Variants in PHACTR1 observed in about 807,000 individuals in gnomAD.
PHACTR1 encodes the protein phosphatase and actin regulator 1, also known as RPEL repeat containing 1.
Under a neutral mutation model 69.2 loss-of-function variants are expected in PHACTR1, and 16 were observed. The ratio of observed to expected loss-of-function variants is 0.23; its 90% CI spans 0.16 to 0.35. The LOEUF (loss-of-function observed/expected upper bound fraction) is 0.35. Ranked by LOEUF, PHACTR1 falls within the 10% of genes least tolerant of loss-of-function variation. PHACTR1 has a pLI of 1.00. For missense variants in PHACTR1, 510 were observed against 734.7 expected (o/e 0.69, Z 3.54); for synonymous variants, 312 against 284.5 (o/e 1.10, Z -0.97).
At chr6:12,891,576 C>T (rs1784174202) in intron 4 of PHACTR1, among the ~76,000 whole-genome samples, 1 of 152,174 alleles carries the variant, frequency 6.6e-6, no homozygotes, top group African/African-American at 2.4e-5. Flanking sequence ...TTTTCATGAA[C>T]TCACTTATGC....
chr6:13,284,582 A>ATATATATATATATATAGATACACG (rs1562129267), intron 13 of PHACTR1, among the ~76,000 whole-genome samples: 1 of 140,174 alleles, frequency 7.1e-6, no homozygotes, highest in African/African-American at 2.8e-5. Flanking sequence ...ATACACGTAT[A>ATATATATATATATATAGATACACG]TATATATATA....
chr6:13,031,709 T>G (rs1802481979), intron 4 of PHACTR1, among the ~76,000 whole-genome samples: 1 of 152,256 alleles, frequency 6.6e-6, no homozygotes, highest in African/African-American at 2.4e-5. Context: ...ACAAGTTCAT[T>G]TATTTTTAGG....
intron 8 of PHACTR1, among the ~76,000 whole-genome samples, chr6:13,212,391 T>C (rs1165482802): frequency 6.6e-6 from 1 of 152,034 alleles, no homozygotes; most frequent in Non-Finnish European, 1.5e-5. Context: ...CAAAGAAAAA[T>C]CTACTTACTC....
intron 4 of PHACTR1, among the ~76,000 whole-genome samples, chr6:13,034,055 G>A (rs1014363395): frequency 6.6e-6 from 1 of 150,840 alleles, no homozygotes; most frequent in East Asian, 2.0e-4. Context: ...TCTCGCTGTC[G>A]CCCATGCTTG....
At chr6:12,744,954 G>A (rs570411356) in intron 3 of PHACTR1, among the ~76,000 whole-genome samples, 2 of 152,032 alleles carry the variant, frequency 1.3e-5, no homozygotes, top group East Asian at 1.9e-4. Flanking sequence ...TGATGAGAGT[G>A]GATAGAGTTG....
intron 3 of PHACTR1, among the ~76,000 whole-genome samples, chr6:12,728,574 T>C (rs889614496): frequency 1.3e-5 from 2 of 152,174 alleles, no homozygotes; most frequent in African/African-American, 4.8e-5. Context: ...TTAGGCAAGT[T>C]ATTTAATCTC....
chr6:12,752,824 A>G (rs13194503), intron 4 of PHACTR1, among the ~76,000 whole-genome samples: 2,298 of 152,310 alleles, frequency 0.015, 16 homozygotes, highest in South Asian at 0.025. Flanking sequence ...TAGCACCAAA[A>G]TGTGGGTCTT....
chr6:13,244,522 G>A (rs1033877124), intron 10 of PHACTR1, among the ~76,000 whole-genome samples: 7 of 152,170 alleles, frequency 4.6e-5, no homozygotes, highest in African/African-American at 1.2e-4. Flanking sequence ...AGACAGGTAC[G>A]CCCCGGGGGG....
intron 5 of PHACTR1, among the ~76,000 whole-genome samples, chr6:13,057,961 G>A (rs987943690): frequency 3.3e-5 from 5 of 152,292 alleles, no homozygotes; most frequent in East Asian, 3.9e-4. Context: ...TCACAGGATG[G>A]CAGGAGGAAA....
At chr6:12,899,362 C>T (rs1350369254) in intron 4 of PHACTR1, among the ~76,000 whole-genome samples, 3 of 152,044 alleles carry the variant, frequency 2.0e-5, no homozygotes, top group Admixed American at 6.6e-5. Flanking sequence ...AATAACAGCA[C>T]CCCCAGAGAA....
intron 4 of PHACTR1, among the ~76,000 whole-genome samples, chr6:12,867,871 A>G (rs975575540): frequency 1.2e-4 from 19 of 152,262 alleles, no homozygotes; most frequent in African/African-American, 4.6e-4. Flanking sequence ...GGGTAGACAT[A>G]TAAGACAGTC....
chr6:13,069,947 A>G (rs750945470), intron 5 of PHACTR1, among the ~76,000 whole-genome samples: 2 of 152,192 alleles, frequency 1.3e-5, no homozygotes, highest in African/African-American at 2.4e-5. Flanking sequence ...CTAAGGCTAC[A>G]GTGCTGGTGT....
At chr6:12,720,605 G>A (rs569395884) in intron 3 of PHACTR1, among the ~76,000 whole-genome samples, 3 of 152,308 alleles carry the variant, frequency 2.0e-5, no homozygotes, top group Admixed American at 2.0e-4. Flanking sequence ...GTTGCTCCCT[G>A]GAGTCATGTT....
At chr6:12,794,845 G>A (rs995137043) in intron 4 of PHACTR1, among the ~76,000 whole-genome samples, 2 of 152,128 alleles carry the variant, frequency 1.3e-5, no homozygotes, top group Non-Finnish European at 2.9e-5. Context: ...GAGAGAGTGG[G>A]GAACGTAGAG....
At position 12,746,298 on chromosome 6, in the gene PHACTR1, C is replaced by T. The variant is rs1169414883; in HGVS notation, c.104-3346C>T. Among the ~76,000 whole-genome samples the T allele has an allele frequency of 2.0e-5, 3 of 152,190 alleles. No homozygotes were observed. The East Asian group carries it at 5.8e-4, about 29-fold the overall frequency. ...CCTGTAATGCCAACACTTTGGGAGGCTGAATTGGGCGGATTGCTTGAAACC... is the reference window on the plus strand; with the variant it reads ...CCTGTAATGCCAACACTTTGGGAGGTTGAATTGGGCGGATTGCTTGAAACC... On this transcript the variant is annotated intron_variant, in intron 3 of 14. Transcript: ENST00000332995.
chr6:12,734,255 AG>A (rs1326338340), intron 3 of PHACTR1, among the ~76,000 whole-genome samples: 1 of 152,186 alleles, frequency 6.6e-6, no homozygotes, highest in Admixed American at 6.5e-5. Flanking sequence ...AAGCTTGGAG[AG>A]CTCACTAACT....
At chr6:12,986,095 C>T (rs1402346306) in intron 4 of PHACTR1, among the ~76,000 whole-genome samples, 6 of 152,194 alleles carry the variant, frequency 3.9e-5, no homozygotes, top group African/African-American at 9.7e-5. Flanking sequence ...CTCGGTCTCT[C>T]AAAGTGCTGG....
intron 4 of PHACTR1, among the ~76,000 whole-genome samples, chr6:12,953,641 T>C (rs1791545542): frequency 6.6e-6 from 1 of 152,236 alleles, no homozygotes; most frequent in Admixed American, 6.5e-5. Flanking sequence ...AAATTGGGGA[T>C]ATTATAAGTC....
Position 12,981,810 on chromosome 6 carries a change from A to G in PHACTR1, c.251-71555A>G, listed in dbSNP as rs114108225. On this transcript the variant is annotated intron_variant, in intron 4 of 14. Transcript: ENST00000332995. ...GTAGCTTAAATGTATGCCTCAGCGC[A>G]TCTTGGCATATATATTTTTATATGT... 2.9e-3 allele frequency among the ~76,000 whole-genome samples: 445 copies of G among 152,310 alleles called. 2 individuals carry two copies. Among genetic ancestry groups the G allele is most frequent in the African/African-American group, 9.9e-3 (413 of 41,556 alleles).
Sources: gnomAD v4.1 joint callset for allele counts (sites outside exome capture counted in the v4.1 genomes callset) on GRCh38, gnomAD v4.1.1 for gene constraint, MANE v1.5 for transcripts, NCBI Gene and HGNC (gene_info 2026-07-23, HGNC 2026-07-21) for gene names.